The following MNX1 variants were observed in gnomAD, a reference collection of about 807,000 sequenced individuals.
MNX1 encodes the protein motor neuron and pancreas homeobox protein 1.
Under a neutral mutation model 17.3 loss-of-function variants are expected in MNX1, and 2 were observed. The observed-to-expected ratio is 0.12, with a 90% CI of 0.05 to 0.36. MNX1 has a LOEUF of 0.36. Among genes scored for constraint, MNX1 ranks in the 10% least tolerant of loss-of-function variants. MNX1 has a pLI of 1.00. For missense variants in MNX1, 556 were observed against 564.7 expected (o/e 0.98, Z 0.16); for synonymous variants, 306 against 283.1 (o/e 1.08, Z -0.81).
Position 157,009,958 on chromosome 7 carries a change from G to T in MNX1, c.393C>A (p.Ala131=). The T allele has an allele frequency of 1.0e-6, 1 of 971,670 alleles. No homozygotes were observed. Among genetic ancestry groups the T allele is most frequent in the South Asian group, 4.6e-5 (1 of 21,724 alleles). The allele number at this position is 971,670 out of a possible 1,614,324, so 60.2% of individuals were successfully genotyped here. Residue 131 remains alanine, a synonymous_variant, in exon 1 of 3, where the codon GCC becomes GCA. Transcript: ENST00000252971. ...AAAAAAAAAA[A]AAAGGLALGL... ...CCAGCGCCAGGCCCCCAGCGGCGGCGGCGGCGGCGGCGGCGGCGGCAGCGG... is the reference window on the plus strand; with the variant it reads ...CCAGCGCCAGGCCCCCAGCGGCGGCTGCGGCGGCGGCGGCGGCGGCAGCGG...
chr7:157,010,126 G>C lies in MNX1; in HGVS notation c.225C>G (p.Ala75=), dbSNP rs1805686765. 9.9e-7 allele frequency: 1 copy of C among 1,012,140 alleles called. No homozygotes were observed. The highest frequency in any genetic ancestry group is 1.2e-6 in the Non-Finnish European group (1 of 849,556). The allele number at this position is 1,012,140 out of a possible 1,614,324, so 62.7% of individuals were successfully genotyped here. Residue 75 remains alanine, a synonymous_variant, in exon 1 of 3, where the codon GCC becomes GCG. Coordinates refer to ENST00000252971, the MANE Select transcript of MNX1 (RefSeq NM_005515.4). ...PPAAPADRLR[A]ESPSPPRLLA... The stretch of plus-strand genomic sequence containing the variant: ...GCAGGCGCGGCGGCGACGGGCTCTC[G>C]GCGCGCAGGCGGTCGGCGGGCGCAG...
rs1805596375 is a variant in MNX1, at chr7:157,006,273, A to AG, written c.852+205dup. ...TGGGGATCACCTTCTTCAGAATGAA[A>AG]GGAGGGGTGGTTAAGTGCTGATTCT... is the stretch of plus-strand genomic sequence containing the variant. On this transcript the variant is annotated intron_variant, in intron 2 of 2. Coordinates refer to ENST00000252971, the MANE Select transcript of MNX1 (RefSeq NM_005515.4). The surrounding 1 kb of genome is among the most constrained non-coding windows in gnomAD (Gnocchi z 6.3). 12 of 603,302 alleles carry AG rather than the reference A, an allele frequency of 2.0e-5. No individual in the cohort carries two copies. The South Asian group carries it at 2.4e-4, about 12-fold the overall frequency. The allele number at this position is 603,302 out of a possible 1,614,324, so 37.4% of individuals were successfully genotyped here. A position where few individuals can be genotyped will look rare whatever the true frequency, so the allele number is the denominator to read the frequency against.
Position 157,009,807 on chromosome 7 carries a change from G to A in MNX1, c.544C>T (p.Leu182Phe). Residue 182 changes from leucine (L) to phenylalanine (F), a missense_variant, in exon 1 of 3, where the codon CTC (leucine) becomes TTC (phenylalanine). Around this residue, in one of 7 missense-constraint regions of MNX1, gnomAD observed 210 missense variants for 211.3 expected, o/e 0.99. Transcript: ENST00000252971. ...TGCACCTGCGGGTACGAGTAGGAGA[G>A]CGCCGGGTGCTGGCCCGCCAGCGCA... ...AAALAGQHPA[L>F]SYSYPQVQGA... 1 of 1,545,066 alleles carries A rather than the reference G, an allele frequency of 6.5e-7. No homozygotes were observed. The highest frequency in any genetic ancestry group is 8.7e-7 in the Non-Finnish European group (1 of 1,152,490).
chr7:157,007,167 C>A (rs1028052535), intron 1 of MNX1: 4 of 152,166 alleles, frequency 2.6e-5, no homozygotes, highest in South Asian at 2.1e-4. Context: ...ATCTCTCCCC[C>A]TCTCCTCACT....
At position 157,006,355 on chromosome 7, in the gene MNX1, C is replaced by T; in HGVS notation, c.852+124G>A. On this transcript the variant is annotated intron_variant, in intron 2 of 2. Transcript: ENST00000252971. The surrounding 1 kb of genome is among the most constrained non-coding windows in gnomAD (Gnocchi z 6.3). ...TCTGGGCACCTTAGATGAACCCGTG[C>T]GCCCGCCGTCTGAACCGTCGAGGCG... 4.4e-6 allele frequency: 5 copies of T among 1,129,066 alleles called. No homozygotes were observed. Among genetic ancestry groups the T allele is most frequent in the South Asian group, 3.1e-5 (2 of 65,486 alleles). The allele number at this position is 1,129,066 out of a possible 1,614,324, so 69.9% of individuals were successfully genotyped here.
chr7:157,006,685 G>T lies in MNX1; in HGVS notation c.692-46C>A, dbSNP rs767971656. ...AGGCCCACAGCCGGCTCCGGTCCTCGCCCCAGCCCCTCCCGTTGCTGCTTG... is the reference window on the plus strand; with the variant it reads ...AGGCCCACAGCCGGCTCCGGTCCTCTCCCCAGCCCCTCCCGTTGCTGCTTG... On this transcript the variant is annotated intron_variant, in intron 1 of 2. Transcript: ENST00000252971. The surrounding 1 kb of genome is among the most constrained non-coding windows in gnomAD (Gnocchi z 6.3). 3.3e-6 allele frequency: 5 copies of T among 1,524,406 alleles called. No individual in the cohort carries two copies. Among genetic ancestry groups the T allele is most frequent in the Non-Finnish European group, 4.4e-6 (5 of 1,135,384 alleles). 94.4% of individuals were successfully genotyped at this position (1,524,406 alleles called of 1,614,324 possible).
Position 157,009,918 on chromosome 7 carries a change from C to A in MNX1, c.433G>T (p.Gly145Cys). Residue 145 changes from glycine (G) to cysteine (C), a missense_variant, in exon 1 of 3, where the codon GGC becomes TGC. Physicochemically the swap from Gly to Cys is radical, Grantham distance 159 (BLOSUM62 -3). This residue lies in a region of MNX1 where 210 missense variants were observed against 211.3 expected (regional missense o/e 0.99). Coordinates refer to ENST00000252971, the MANE Select transcript of MNX1 (RefSeq NM_005515.4). ...GGGAGGCCCGCGCCGCCCTGCGCGCCCCCAGGGTGCAGCCCCAGCGCCAGG... is the reference window on the plus strand; with the variant it reads ...GGGAGGCCCGCGCCGCCCTGCGCGCACCCAGGGTGCAGCCCCAGCGCCAGG... ...GGLALGLHPG[G>C]AQGGAGLPAQ... The A allele has an allele frequency of 7.9e-7, 1 of 1,261,636 alleles. No homozygotes were observed. Among genetic ancestry groups the A allele is most frequent in the Non-Finnish European group, 9.9e-7 (1 of 1,005,054 alleles). 78.2% of individuals were successfully genotyped at this position (1,261,636 alleles called of 1,614,324 possible).
intron 1 of MNX1, chr7:157,007,241 C>G (rs926471558): frequency 1.1e-4 from 16 of 152,132 alleles, no homozygotes; most frequent in Non-Finnish European, 1.9e-4. Context: ...CCTGCTGTTC[C>G]AGGTCTCCCT....
intron 1 of MNX1, chr7:157,009,097 A>C (rs1243711755): frequency 6.5e-7 from 1 of 1,536,196 alleles, no homozygotes; most frequent in Admixed American, 2.0e-5. Context: ...CGCACCCCGG[A>C]TCCAACGCCC....
intron 1 of MNX1, chr7:157,007,867 A>C (rs965716226): frequency 2.0e-5 from 3 of 152,240 alleles, no homozygotes; most frequent in Admixed American, 2.0e-4. Flanking sequence ...ACTTGACAAT[A>C]CATTAGAACT....
At chr7:157,009,626 C>A (rs1805669911) in intron 1 of MNX1, 34 bp downstream of exon 1, 1 of 1,601,840 alleles carries the variant, frequency 6.2e-7, no homozygotes, top group African/African-American at 1.3e-5. Flanking sequence ...GGCCCTCCCG[C>A]CACGCGCATC....
intron 1 of MNX1, chr7:157,008,211 C>T (rs893150144): frequency 6.6e-6 from 1 of 152,212 alleles, no homozygotes; most frequent in Non-Finnish European, 1.5e-5. Context: ...GGCCTAGGAC[C>T]ACGGGCCCCC....
rs760531961 is a variant in MNX1, at chr7:157,009,784, C to A, written c.567G>T (p.Val189=). The A allele has an allele frequency of 8.2e-6, 13 of 1,585,312 alleles. No individual in the cohort carries two copies. The highest frequency in any genetic ancestry group is 9.4e-6 in the Non-Finnish European group (11 of 1,170,940). ...CGGGGTGCGCGGGGTGCGCGCCTTG[C>A]ACCTGCGGGTACGAGTAGGAGAGCG... is the stretch of plus-strand genomic sequence containing the variant. The part of the protein sequence containing the change: ...HPALSYSYPQ[V]QGAHPAHPAD... The change falls in exon 1 of 3, where the codon GTG becomes GTT. Residue 189 remains valine (V), a synonymous_variant. Transcript: ENST00000252971.
At chr7:157,009,344 G>A (rs1306586113) in intron 1 of MNX1, 7 of 1,411,654 alleles carry the variant, frequency 5.0e-6, no homozygotes, top group Non-Finnish European at 6.4e-6. Context: ...CTCTCGGCTC[G>A]CCTTCCCCCG....
At position 157,010,576 on chromosome 7, in the gene MNX1, C is replaced by A. The variant is rs1805697723; in HGVS notation, c.-226G>T. 1 of 334,670 alleles carries A rather than the reference C, an allele frequency of 3.0e-6. No individual in the cohort carries two copies. Among genetic ancestry groups the A allele is most frequent in the Admixed American group, 5.0e-5 (1 of 20,182 alleles). The allele number at this position is 334,670 out of a possible 1,614,324, so 20.7% of individuals were successfully genotyped here. ...GGCCGCGCTCGCACAAACTCCCACG[C>A]GAGTGCTTCCCCGCGTCCGGGCCCG... On this transcript the variant is annotated 5_prime_UTR_variant, in exon 1 of 3. Coordinates refer to ENST00000252971, the MANE Select transcript of MNX1 (RefSeq NM_005515.4).
Position 157,005,081 on chromosome 7 carries a change from G to A in MNX1, c.*439C>T, listed in dbSNP as rs995475116. 4.2e-4 allele frequency: 95 copies of A among 226,982 alleles called. No homozygotes were observed. The highest frequency in any genetic ancestry group is 1.1e-3 in the South Asian group (6 of 5,456). 14.1% of individuals were successfully genotyped at this position (226,982 alleles called of 1,614,324 possible). A position where few individuals can be genotyped will look rare whatever the true frequency, so the allele number is the denominator to read the frequency against. On this transcript the variant is annotated 3_prime_UTR_variant, in exon 3 of 3. Coordinates refer to ENST00000252971, the MANE Select transcript of MNX1 (RefSeq NM_005515.4). Reference sequence around the variant, plus strand: ...TTTTTCTTTTTCCAAATACTCTGCAGAATGGCGGCTCCAGAGGCGGTTTCA... The same window carrying A: ...TTTTTCTTTTTCCAAATACTCTGCAAAATGGCGGCTCCAGAGGCGGTTTCA...
Position 157,010,097 on chromosome 7 carries a change from G to A in MNX1, c.254C>T (p.Ala85Val). Residue 85 changes from alanine (A) to valine (V), a missense_variant, in exon 1 of 3, where the codon GCC (alanine) becomes GTC (valine). Physicochemically the swap from Ala to Val is moderately conservative, Grantham distance 64. This residue lies in a region of MNX1 where 115 missense variants were observed against 103.5 expected (regional missense o/e 1.11). Transcript: ENST00000252971. ...CTTGGGCAGCAGCGCGCAGTGCGCG[G>A]CCAGCAGGCGCGGCGGCGACGGGCT... Reference protein sequence around the residue: ...AESPSPPRLLAAHCALLPKPG... With the variant: ...AESPSPPRLLVAHCALLPKPG... The A allele has an allele frequency of 1.0e-6, 1 of 985,326 alleles. No homozygotes were observed. Among genetic ancestry groups the A allele is most frequent in the Non-Finnish European group, 1.2e-6 (1 of 831,642 alleles). The allele number at this position is 985,326 out of a possible 1,614,324, so 61.0% of individuals were successfully genotyped here.
chr7:157,009,616 G>A (rs371658972), intron 1 of MNX1, 44 bp downstream of exon 1: 1 of 1,594,862 alleles, frequency 6.3e-7, no homozygotes, highest in African/African-American at 1.3e-5. Flanking sequence ...GGATGCGCGA[G>A]GCCCTCCCGC....
Position 157,006,334 on chromosome 7 carries a change from G to A in MNX1, c.852+145C>T. On this transcript the variant is annotated intron_variant, in intron 2 of 2. Transcript: ENST00000252971. This position sits in a 1 kb window ranked among gnomAD's most constrained non-coding sequence, Gnocchi z 6.3. ...CCGAAGCTACTGAATCGGCGCTCTG[G>A]GCACCTTAGATGAACCCGTGCGCCC... 1.1e-6 allele frequency: 1 copy of A among 870,966 alleles called. No individual in the cohort carries two copies. Among genetic ancestry groups the A allele is most frequent in the Non-Finnish European group, 1.7e-6 (1 of 580,654 alleles). The allele number at this position is 870,966 out of a possible 1,614,324, so 54.0% of individuals were successfully genotyped here.
Sources: gnomAD v4.1 joint callset for allele counts on GRCh38, gnomAD v4.1.1 for gene constraint, gnomAD v4.1.1 regional missense constraint, Gnocchi (gnomAD v3.1) non-coding constraint, MANE v1.5 for transcripts, NCBI Gene and HGNC (gene_info 2026-07-23, HGNC 2026-07-21) for gene names.